Variants in STT3B observed in about 807,000 individuals in gnomAD.
STT3B encodes dolichyl-diphosphooligosaccharide--protein glycosyltransferase subunit STT3B.
STT3B carries 29 observed loss-of-function variants against 96.8 expected under a neutral mutation model. The observed-to-expected ratio is 0.30, with a 90% CI of 0.22 to 0.41. The LOEUF is 0.41. Ranked by LOEUF, STT3B falls within the 10% of genes least tolerant of loss-of-function variation. The probability of loss-of-function intolerance (pLI) is 1.00; values close to 1 mark genes in which losing one functional copy is unlikely to be tolerated. For missense variants in STT3B, 640 were observed against 1,022.3 expected (o/e 0.63, Z 5.10); for synonymous variants, 367 against 360.0 (o/e 1.02, Z -0.22).
At chr3:31,628,584 A>G (rs1699584955) in intron 13 of STT3B, among the ~76,000 whole-genome samples, 1 of 152,194 alleles carries the variant, frequency 6.6e-6, no homozygotes, top group Non-Finnish European at 1.5e-5. Flanking sequence ...TTTTTTACCT[A>G]GAGTGCCAAA....
intron 1 of STT3B, among the ~76,000 whole-genome samples, chr3:31,552,830 A>G (rs911372355): frequency 6.6e-6 from 1 of 152,168 alleles, no homozygotes; most frequent in Non-Finnish European, 1.5e-5. Flanking sequence ...AAGGCCGGGC[A>G]CGGTGGCTCA....
chr3:31,598,927 A>G (rs1259328367), intron 4 of STT3B, among the ~76,000 whole-genome samples: 2 of 151,850 alleles, frequency 1.3e-5, no homozygotes, highest in African/African-American at 4.8e-5. Flanking sequence ...CTCCTGCCTC[A>G]GCCTCCCGAG....
chr3:31,544,900 G>A (rs1283104195), intron 1 of STT3B, among the ~76,000 whole-genome samples: 5 of 152,120 alleles, frequency 3.3e-5, no homozygotes, highest in African/African-American at 9.7e-5. Context: ...TTGCACCACC[G>A]CACTCCAGCC....
chr3:31,550,420 A>G (rs1697523444), intron 1 of STT3B, among the ~76,000 whole-genome samples: 1 of 152,198 alleles, frequency 6.6e-6, no homozygotes, highest in African/African-American at 2.4e-5. Context: ...GCTTCAATCA[A>G]AATGACCACC....
intron 3 of STT3B, among the ~76,000 whole-genome samples, chr3:31,592,139 C>G (rs937188821): frequency 3.9e-5 from 6 of 152,138 alleles, no homozygotes; most frequent in Non-Finnish European, 7.3e-5. Context: ...TCCCCTCCGC[C>G]CCTGGCACCA....
intron 1 of STT3B, among the ~76,000 whole-genome samples, chr3:31,564,408 C>T (rs556491281): frequency 3.1e-4 from 47 of 152,138 alleles, no homozygotes; most frequent in African/African-American, 1.1e-3. Flanking sequence ...TGAAATAGAC[C>T]CCTGGCTTTG....
chr3:31,581,248 A>C (rs115034872), intron 3 of STT3B, among the ~76,000 whole-genome samples: 1 of 152,098 alleles, frequency 6.6e-6, no homozygotes, highest in Non-Finnish European at 1.5e-5. Context: ...GGTGGGTGAT[A>C]CTGAGGTGGG....
intron 1 of STT3B, among the ~76,000 whole-genome samples, chr3:31,565,667 C>T (rs936811796): frequency 1.3e-5 from 2 of 152,098 alleles, no homozygotes; most frequent in African/African-American, 4.8e-5. Flanking sequence ...GATAGTCACA[C>T]TTATTGGAGG....
At chr3:31,565,236 A>G (rs1697975076) in intron 1 of STT3B, among the ~76,000 whole-genome samples, 1 of 152,196 alleles carries the variant, frequency 6.6e-6, no homozygotes, top group Admixed American at 6.5e-5. Flanking sequence ...GGAAGGAAAA[A>G]TTATGTGAGA....
chr3:31,632,305 CAAAT>C (rs1699680609), intron 14 of STT3B, among the ~76,000 whole-genome samples: 1 of 152,088 alleles, frequency 6.6e-6, no homozygotes, highest in Non-Finnish European at 1.5e-5. Context: ...ATTTATTTAA[CAAAT>C]AATAATTGGG....
chr3:31,547,600 C>G (rs918835521), intron 1 of STT3B, among the ~76,000 whole-genome samples: 4 of 152,154 alleles, frequency 2.6e-5, no homozygotes, highest in African/African-American at 9.7e-5. Context: ...GAGCTGAGAT[C>G]GTGCCACTGC....
intron 1 of STT3B, among the ~76,000 whole-genome samples, chr3:31,546,620 T>G (rs1213184181): frequency 6.6e-6 from 1 of 152,190 alleles, no homozygotes; most frequent in Non-Finnish European, 1.5e-5. Flanking sequence ...GGCAGAATTG[T>G]TTAAGGTCAT....
chr3:31,627,566 G>A (rs908519954), intron 13 of STT3B, among the ~76,000 whole-genome samples: 1 of 152,196 alleles, frequency 6.6e-6, no homozygotes, highest in East Asian at 1.9e-4. Context: ...AAGAGTAATT[G>A]CCACTGATCC....
intron 7 of STT3B, 103 bp downstream of exon 7, chr3:31,617,178 A>G: frequency 1.5e-6 from 1 of 666,384 alleles, no homozygotes. Flanking sequence ...CTACAAAGTG[A>G]TTTTTTTCTT....
intron 1 of STT3B, among the ~76,000 whole-genome samples, chr3:31,574,916 A>C (rs1427751936): frequency 6.6e-6 from 1 of 151,944 alleles, no homozygotes; most frequent in Non-Finnish European, 1.5e-5. Flanking sequence ...AGACTACTTA[A>C]ATTTTTTTAT....
intron 3 of STT3B, among the ~76,000 whole-genome samples, chr3:31,589,465 C>T (rs1197837664): frequency 6.6e-6 from 1 of 151,882 alleles, no homozygotes; most frequent in East Asian, 1.9e-4. Context: ...TTTGCTAGGA[C>T]TTCCATTACA....
intron 1 of STT3B, among the ~76,000 whole-genome samples, chr3:31,538,123 A>G (rs1697146764): frequency 6.6e-6 from 1 of 152,100 alleles, no homozygotes; most frequent in Non-Finnish European, 1.5e-5. Context: ...ACACTCATAT[A>G]CTCTAACCAC....
At chr3:31,550,355 T>TG (rs1163531349) in intron 1 of STT3B, among the ~76,000 whole-genome samples, 1 of 152,250 alleles carries the variant, frequency 6.6e-6, no homozygotes, top group Non-Finnish European at 1.5e-5. Context: ...CTCTCTGTGT[T>TG]GCTCAAAGTA....
At chr3:31,546,107 C>T (rs1392513135) in intron 1 of STT3B, among the ~76,000 whole-genome samples, 1 of 152,040 alleles carries the variant, frequency 6.6e-6, no homozygotes, top group Non-Finnish European at 1.5e-5. Flanking sequence ...TTTTCTGATG[C>T]ATATGTGTGG....
Sources: allele counts gnomAD v4.1 joint callset (sites outside exome capture counted in the v4.1 genomes callset), GRCh38; gene constraint gnomAD v4.1.1; transcripts MANE v1.5; gene names NCBI Gene and HGNC (gene_info 2026-07-23, HGNC 2026-07-21).